The following WWOX variants were observed in gnomAD, a reference collection of about 807,000 sequenced individuals.
WWOX encodes the protein WW domain containing oxidoreductase.
WWOX carries 69 observed loss-of-function variants against 46.2 expected under a neutral mutation model. The ratio of observed to expected loss-of-function variants is 1.49; its 90% CI spans 1.23 to 1.82. The LOEUF (loss-of-function observed/expected upper bound fraction) is 1.82. WWOX is among the 40% of genes most tolerant of loss of function. The probability of loss-of-function intolerance (pLI) is 0.00; values close to 1 mark genes in which losing one functional copy is unlikely to be tolerated. For missense variants in WWOX, 919 were observed against 542.6 expected (o/e 1.69, Z -6.89); for synonymous variants, 359 against 202.6 (o/e 1.77, Z -6.56).
intron 5 of WWOX, among the ~76,000 whole-genome samples, chr16:78,336,218 G>C (rs2080884420): frequency 6.6e-6 from 1 of 151,460 alleles, no homozygotes; most frequent in Non-Finnish European, 1.5e-5. Context: ...TCATGCCTGT[G>C]ATCCACAACT....
chr16:78,983,145 G>A (rs925660086), intron 8 of WWOX, among the ~76,000 whole-genome samples: 3 of 152,128 alleles, frequency 2.0e-5, no homozygotes, highest in Non-Finnish European at 4.4e-5. Flanking sequence ...TCCCACCAAG[G>A]CATCAAACTC....
chr16:78,960,108 A>C (rs983592773), intron 8 of WWOX, among the ~76,000 whole-genome samples: 9 of 152,176 alleles, frequency 5.9e-5, no homozygotes, highest in African/African-American at 2.2e-4. Flanking sequence ...AGTGAGGGAT[A>C]AGGGGTTGTG....
intron 8 of WWOX, among the ~76,000 whole-genome samples, chr16:78,998,753 C>T (rs2047038070): frequency 1.3e-5 from 2 of 152,186 alleles, no homozygotes; most frequent in African/African-American, 2.4e-5. Flanking sequence ...TGGAAACAAG[C>T]GTTGCTTCTA....
At chr16:79,101,643 C>T (rs541618911) in intron 8 of WWOX, 4 of 151,812 alleles carry the variant, frequency 2.6e-5, no homozygotes, top group South Asian at 4.1e-4. Flanking sequence ...CCACAGAACA[C>T]GCCGTGCTTT....
chr16:78,868,084 T>G (rs1426164660), intron 8 of WWOX, among the ~76,000 whole-genome samples: 1 of 152,202 alleles, frequency 6.6e-6, no homozygotes, highest in Non-Finnish European at 1.5e-5. Context: ...TCATGAATGT[T>G]CATAGCAGCA....
intron 8 of WWOX, among the ~76,000 whole-genome samples, chr16:78,603,116 C>T (rs1427024740): frequency 1.3e-5 from 2 of 152,236 alleles, no homozygotes; most frequent in Non-Finnish European, 1.5e-5. Flanking sequence ...TCTTGCGTTG[C>T]TCTTAAGCCC....
At chr16:78,517,978 A>T (rs1057110226) in intron 8 of WWOX, among the ~76,000 whole-genome samples, 1 of 149,096 alleles carries the variant, frequency 6.7e-6, no homozygotes, top group African/African-American at 2.5e-5. Context: ...ACAGAGATGG[A>T]CTGAAAAGAG....
chr16:78,099,945 C>T (rs1488181552), intron 1 of WWOX, 60 bp downstream of exon 1: 2 of 1,533,928 alleles, frequency 1.3e-6, no homozygotes, highest in African/African-American at 2.8e-5. Flanking sequence ...CCACGGACGC[C>T]ACCTGCGCGG....
At chr16:78,824,877 G>C (rs977127724) in intron 8 of WWOX, among the ~76,000 whole-genome samples, 3 of 152,182 alleles carry the variant, frequency 2.0e-5, no homozygotes, top group African/African-American at 7.2e-5. Context: ...TGTGAGAACA[G>C]AACAGAGAGG....
At chr16:78,560,607 A>G (rs1976638) in intron 8 of WWOX, among the ~76,000 whole-genome samples, 7,807 of 152,208 alleles carry the variant, frequency 0.051, 473 homozygotes, top group African/African-American at 0.14. Context: ...TCACGCCATT[A>G]TACTCCAGTC....
intron 8 of WWOX, among the ~76,000 whole-genome samples, chr16:78,769,621 T>G (rs1333447544): frequency 6.7e-6 from 1 of 148,258 alleles, no homozygotes; most frequent in African/African-American, 2.5e-5. Context: ...AGGATCCAGT[T>G]AGGAGACAGA....
intron 2 of WWOX, among the ~76,000 whole-genome samples, chr16:78,109,468 C>T (rs1333869422): frequency 1.3e-5 from 2 of 152,190 alleles, no homozygotes; most frequent in African/African-American, 2.4e-5. Context: ...CCTGCATATA[C>T]ATATGTTCTT....
rs141334504 is a variant in WWOX at position 78,769,530 on chromosome 16, ATTATTTATTTATTTATTTATTTAT to A, written c.1056+336809_1056+336832del. Among the ~76,000 whole-genome samples, 452 of 103,948 alleles carry A rather than the reference ATTATTTATTTATTTATTTATTTAT, an allele frequency of 4.3e-3. 6 individuals carry two copies. The highest frequency in any genetic ancestry group is 0.015 in the African/African-American group (379 of 25,610). 68.2% of individuals were successfully genotyped at this position (103,948 alleles called of 152,430 possible). On this transcript the variant is annotated intron_variant, in intron 8 of 8. Transcript: ENST00000566780. ...GTAATCCCTCCCACCCACCCCCCAC[ATTATTTATTTATTTATTTATTTAT>A]TTATTTATTTATTTATTTATTTATT... is the stretch of plus-strand genomic sequence containing the variant.
At chr16:78,359,804 C>T (rs933319587) in intron 5 of WWOX, among the ~76,000 whole-genome samples, 5 of 152,138 alleles carry the variant, frequency 3.3e-5, no homozygotes, top group Non-Finnish European at 4.4e-5. Context: ...GATGCCATTC[C>T]CATCTGGGAT....
intron 8 of WWOX, among the ~76,000 whole-genome samples, chr16:78,820,425 AT>A (rs1349548450): frequency 6.6e-6 from 1 of 152,120 alleles, no homozygotes; most frequent in Non-Finnish European, 1.5e-5. Flanking sequence ...AGTATTCCTA[AT>A]TCATTTTCCC....
At chr16:78,199,389 A>T (rs890298954) in intron 5 of WWOX, among the ~76,000 whole-genome samples, 6 of 152,190 alleles carry the variant, frequency 3.9e-5, no homozygotes, top group Admixed American at 6.5e-5. Flanking sequence ...CTATGGATTG[A>T]CTGTAAAATA....
intron 8 of WWOX, among the ~76,000 whole-genome samples, chr16:78,679,279 A>G (rs569489654): frequency 6.6e-6 from 1 of 152,290 alleles, no homozygotes; most frequent in South Asian, 2.1e-4. Context: ...GGCTGGGTGC[A>G]GTGGGTTGCG....
chr16:78,104,792 T>G (rs2032037663), intron 1 of WWOX, among the ~76,000 whole-genome samples: 1 of 152,212 alleles, frequency 6.6e-6, no homozygotes, highest in African/African-American at 2.4e-5. Flanking sequence ...AAAAAAAGTC[T>G]TCTATTGAAA....
chr16:78,485,032 G>T (rs1385605805), intron 8 of WWOX, among the ~76,000 whole-genome samples: 4 of 151,968 alleles, frequency 2.6e-5, no homozygotes, highest in African/African-American at 9.7e-5. Flanking sequence ...TAGAACCAAA[G>T]ATGCCCCATG....
Sources: allele counts gnomAD v4.1 joint callset (sites outside exome capture counted in the v4.1 genomes callset), GRCh38; gene constraint gnomAD v4.1.1; transcripts MANE v1.5; gene names NCBI Gene and HGNC (gene_info 2026-07-23, HGNC 2026-07-21).